Variants in GNA14 observed in about 807,000 individuals in gnomAD.
The protein encoded by GNA14 is guanine nucleotide-binding protein subunit alpha-14.
GNA14 carries 50 observed loss-of-function variants against 42.0 expected under a neutral mutation model. The observed-to-expected ratio is 1.19, with a 90% confidence interval of 0.95 to 1.51. The LOEUF (loss-of-function observed/expected upper bound fraction) is 1.51. GNA14 is among the 40% of genes most tolerant of loss of function. GNA14 has a pLI of 0.00. For synonymous variants in GNA14, 173 were observed against 163.1 expected, an observed-to-expected ratio of 1.06 and a Z score of -0.46; for missense variants, 473 against 446.2, an observed-to-expected ratio of 1.06 and a Z score of -0.54.
At chr9:77,567,279 T>C (rs116832872) in intron 1 of GNA14, among the ~76,000 whole-genome samples, 206 of 152,308 alleles carry the variant, frequency 1.4e-3, no homozygotes, top group African/African-American at 4.3e-3. Context: ...AAATTTTCAC[T>C]AACATGATTC....
chr9:77,582,123 A>G (rs1307136784), intron 1 of GNA14, among the ~76,000 whole-genome samples: 2 of 152,160 alleles, frequency 1.3e-5, no homozygotes, highest in Non-Finnish European at 2.9e-5. Context: ...TATCATTGTA[A>G]TGCCCTTTCA....
intron 3 of GNA14, among the ~76,000 whole-genome samples, chr9:77,431,950 AAAC>A (rs1564012039): frequency 6.6e-6 from 1 of 152,232 alleles, no homozygotes. Context: ...GAGAAATTCA[AAAC>A]AACAGCAACA....
chr9:77,635,064 GGT>G (rs1824160634), intron 1 of GNA14: 1 of 152,144 alleles, frequency 6.6e-6, no homozygotes, highest in Non-Finnish European at 1.5e-5. Flanking sequence ...GGTGGTGTTT[GGT>G]TACCCAAGTA....
chr9:77,557,794 A>C (rs1822812571), intron 1 of GNA14, among the ~76,000 whole-genome samples: 1 of 152,188 alleles, frequency 6.6e-6, no homozygotes, highest in Non-Finnish European at 1.5e-5. Context: ...GAAGAGGAAA[A>C]AGACACTTTC....
chr9:77,477,283 G>C (rs957987092), intron 2 of GNA14, among the ~76,000 whole-genome samples: 2 of 152,298 alleles, frequency 1.3e-5, no homozygotes, highest in Admixed American at 1.3e-4. Flanking sequence ...GAAGGCAGAG[G>C]TTGCAGTGAA....
chr9:77,472,427 C>A (rs934366437), intron 2 of GNA14, among the ~76,000 whole-genome samples: 5 of 151,620 alleles, frequency 3.3e-5, no homozygotes, highest in African/African-American at 1.2e-4. Flanking sequence ...CTAGCCAGGA[C>A]AATTAGGCAA....
chr9:77,635,630 C>T (rs1824172477), intron 1 of GNA14, among the ~76,000 whole-genome samples: 2 of 152,126 alleles, frequency 1.3e-5, no homozygotes, highest in South Asian at 2.1e-4. Context: ...TATAAATTAA[C>T]ATTTTTGAGG....
chr9:77,648,072 C>A lies in GNA14; in HGVS notation c.-279G>T. On this transcript the variant is annotated 5_prime_UTR_variant, in exon 1 of 7. Transcript: ENST00000341700. The stretch of plus-strand genomic sequence containing the variant: ...ACTCTCGCTCTGGGGAGGAGGAGGG[C>A]GAGTCGAGAAGTTGGGAGCGTTGCT... 1 of 474,932 alleles carries A rather than the reference C, an allele frequency of 2.1e-6. No homozygotes were observed. The highest frequency in any genetic ancestry group is 3.7e-6 in the Non-Finnish European group (1 of 269,672). 29.4% of individuals were successfully genotyped at this position (474,932 alleles called of 1,614,324 possible). A position where few individuals can be genotyped will look rare whatever the true frequency, so the allele number is the denominator to read the frequency against.
chr9:77,441,367 G>T (rs1436993569), intron 2 of GNA14, among the ~76,000 whole-genome samples: 2 of 152,122 alleles, frequency 1.3e-5, no homozygotes, highest in Admixed American at 6.5e-5. Flanking sequence ...TGTGAAGAAG[G>T]TGCCTGCTTC....
intron 2 of GNA14, among the ~76,000 whole-genome samples, chr9:77,519,902 CGG>C (rs1837324098): frequency 6.6e-6 from 1 of 151,980 alleles, no homozygotes; most frequent in East Asian, 1.9e-4. Context: ...CCCAGCTACT[CGG>C]GGGACTGAGG....
chr9:77,470,819 G>A (rs759321665), intron 2 of GNA14, among the ~76,000 whole-genome samples: 45 of 152,112 alleles, frequency 3.0e-4, no homozygotes, highest in Admixed American at 6.6e-4. Context: ...AAGCAAGCAC[G>A]TTTTACCATG....
intron 2 of GNA14, among the ~76,000 whole-genome samples, chr9:77,515,973 A>AAAACAAAAAC (rs1837251056): frequency 6.7e-6 from 1 of 148,940 alleles, no homozygotes; most frequent in South Asian, 2.1e-4. Context: ...AAAAAAAAAA[A>AAAACAAAAAC]AAAAAAAAAA....
Position 77,548,945 on chromosome 9 carries a change from T to TG in GNA14, c.125-19693_125-19692insC, listed in dbSNP as rs11392392. ...AATGAGAAAGCCTTTCTTTTTTTTT[T>TG]TCTTTTTTTTTCTAAGACAGAGTCT... is the stretch of plus-strand genomic sequence containing the variant. On this transcript the variant is annotated intron_variant, in intron 1 of 6. Transcript: ENST00000341700. 6.9e-3 allele frequency among the ~76,000 whole-genome samples: 1,045 copies of TG among 151,962 alleles called. 11 individuals carry two copies. Among genetic ancestry groups the TG allele is most frequent in the African/African-American group, 0.023 (970 of 41,474 alleles).
intron 1 of GNA14, among the ~76,000 whole-genome samples, chr9:77,589,304 T>C (rs1410103171): frequency 1.3e-5 from 2 of 152,380 alleles, no homozygotes; most frequent in South Asian, 2.1e-4. Context: ...TATTTGACTT[T>C]CTGCGTCAAC....
chr9:77,594,445 C>T (rs1823434109), intron 1 of GNA14, among the ~76,000 whole-genome samples: 1 of 152,156 alleles, frequency 6.6e-6, no homozygotes, highest in African/African-American at 2.4e-5. Context: ...CCAGCTGGCC[C>T]TAAATAGAAC....
rs567572230 is a variant in GNA14, at chr9:77,480,673, G to C, written c.310-46151C>G. Among the ~76,000 whole-genome samples, 41 of 152,272 alleles carry C rather than the reference G, an allele frequency of 2.7e-4. 1 individual carries two copies. In the South Asian group the frequency reaches 7.0e-3, roughly 26 times the overall value. On this transcript the variant is annotated intron_variant, in intron 2 of 6. Coordinates refer to ENST00000341700, the MANE Select transcript of GNA14 (RefSeq NM_004297.4). ...GTAGAATTCGGCTGTGAATCCATCTGGTCCTGGCTTTTTTTGGTTGGTAAG... is the reference window on the plus strand; with the variant it reads ...GTAGAATTCGGCTGTGAATCCATCTCGTCCTGGCTTTTTTTGGTTGGTAAG...
intron 2 of GNA14, among the ~76,000 whole-genome samples, chr9:77,467,602 T>C (rs375842437): frequency 2.6e-5 from 4 of 151,168 alleles, no homozygotes; most frequent in South Asian, 4.2e-4. Context: ...AAATGCTTCA[T>C]GCTGCTTTCC....
chr9:77,547,555 T>C (rs1224374685), intron 1 of GNA14, among the ~76,000 whole-genome samples: 1 of 152,244 alleles, frequency 6.6e-6, no homozygotes, highest in Non-Finnish European at 1.5e-5. Flanking sequence ...GTGATACAGA[T>C]GTGTCCTGTG....
intron 1 of GNA14, among the ~76,000 whole-genome samples, chr9:77,582,210 G>T (rs1002684647): frequency 6.6e-6 from 1 of 152,090 alleles, no homozygotes; most frequent in Non-Finnish European, 1.5e-5. Context: ...GATCCCACTT[G>T]GCACAAGAAA....
Sources: gnomAD v4.1 joint callset for allele counts (sites outside exome capture counted in the v4.1 genomes callset) on GRCh38, gnomAD v4.1.1 for gene constraint, MANE v1.5 for transcripts, NCBI Gene and HGNC (gene_info 2026-07-23, HGNC 2026-07-21) for gene names.